AKR1C3: variants seen among roughly 807,000 people sequenced by gnomAD.
AKR1C3 encodes the protein 3-alpha hydroxysteroid dehydrogenase, type II.
Under a neutral mutation model 43.6 loss-of-function variants are expected in AKR1C3, and 48 were observed. The ratio of observed to expected loss-of-function variants is 1.10; its 90% confidence interval spans 0.87 to 1.40. The LOEUF (loss-of-function observed/expected upper bound fraction) is 1.40, where lower values mean the gene tolerates loss of function less well. AKR1C3 is among the 40% of genes most tolerant of loss of function. The pLI, the probability that AKR1C3 is intolerant of heterozygous loss-of-function variation, is 0.00. For synonymous variants in AKR1C3, 162 were observed against 139.6 expected (o/e 1.16, Z -1.13); for missense variants, 482 against 391.2 (o/e 1.23, Z -1.96).
At chr10:5,102,847 C>G (rs587750857) in intron 7 of AKR1C3, among the ~76,000 whole-genome samples, 197 bp downstream of exon 7, 6 of 152,090 alleles carry the variant, frequency 3.9e-5, no homozygotes, top group Non-Finnish European at 7.4e-5. Flanking sequence ...TAAGATGGGA[C>G]CAAAAATGGA....
intron 1 of AKR1C3, among the ~76,000 whole-genome samples, chr10:5,054,682 C>A (rs1280051991): frequency 6.6e-6 from 1 of 151,818 alleles, no homozygotes; most frequent in African/African-American, 2.4e-5. Flanking sequence ...TGTGTCTGTC[C>A]CTCTTTCTCT....
At chr10:5,053,885 G>A (rs1222906073) in intron 1 of AKR1C3, among the ~76,000 whole-genome samples, 3 of 152,212 alleles carry the variant, frequency 2.0e-5, no homozygotes, top group East Asian at 3.9e-4. Flanking sequence ...AAGACCATCT[G>A]TAGCTTGATG....
chr10:5,075,877 A>G, intron 1 of AKR1C3, among the ~76,000 whole-genome samples: 1 of 151,916 alleles, frequency 6.6e-6, no homozygotes, highest in East Asian at 1.9e-4. Flanking sequence ...TCCATCTCAA[A>G]AAAAAAAAAG....
intron 7 of AKR1C3, among the ~76,000 whole-genome samples, chr10:5,103,195 C>T (rs1839403430): frequency 6.6e-6 from 1 of 152,204 alleles, no homozygotes; most frequent in Admixed American, 6.5e-5. Flanking sequence ...GCCTCCTCTT[C>T]ATCTTCAGAA....
At chr10:5,061,908 C>T (rs1838391255) in intron 1 of AKR1C3, among the ~76,000 whole-genome samples, 1 of 152,116 alleles carries the variant, frequency 6.6e-6, no homozygotes, top group Admixed American at 6.5e-5. Context: ...CAAATTAAGG[C>T]CAAAATGGTG....
chr10:5,086,203 G>C (rs377704979), intron 1 of AKR1C3, among the ~76,000 whole-genome samples: 2 of 151,684 alleles, frequency 1.3e-5, no homozygotes, highest in Admixed American at 6.6e-5. Context: ...GCTTTGTCTT[G>C]TGGGCATTTA....
chr10:5,093,412 A>G (rs1215846620), upstream of AKR1C3: 1 of 152,104 alleles, frequency 6.6e-6, no homozygotes, highest in Non-Finnish European at 1.5e-5. Flanking sequence ...GGAAAAGTAA[A>G]TAGAACGAAA....
intron 1 of AKR1C3, among the ~76,000 whole-genome samples, chr10:5,053,504 G>A (rs1325869387): frequency 6.6e-6 from 1 of 152,258 alleles, no homozygotes; most frequent in Non-Finnish European, 1.5e-5. Context: ...CCTGCAAGCT[G>A]AGGGAGATGG....
At chr10:5,098,975 A>G in intron 4 of AKR1C3, 96 bp downstream of exon 4, 1 of 1,048,922 alleles carries the variant, frequency 9.5e-7, no homozygotes, top group Non-Finnish European at 1.4e-6. Context: ...GCACCATTAG[A>G]TCTAGAAATT....
intron 1 of AKR1C3, among the ~76,000 whole-genome samples, chr10:5,086,406 T>C (rs1236773876): frequency 6.6e-6 from 1 of 151,644 alleles, no homozygotes; most frequent in Non-Finnish European, 1.5e-5. Context: ...TTCTTAATCC[T>C]GAGTTCTAGT....
At chr10:5,097,413 T>TA in intron 2 of AKR1C3, 21 bp from the exon 3 acceptor site, 1 of 1,611,134 alleles carries the variant, frequency 6.2e-7, no homozygotes, top group Non-Finnish European at 8.5e-7. Context: ...CAAAATCACC[T>TA]CCATTCTTTA....
At chr10:5,069,840 C>A (rs1430682125) in intron 1 of AKR1C3, among the ~76,000 whole-genome samples, 1 of 151,968 alleles carries the variant, frequency 6.6e-6, no homozygotes, top group South Asian at 2.1e-4. Flanking sequence ...CACCATTGCA[C>A]TCCAGCCTGG....
intron 1 of AKR1C3, among the ~76,000 whole-genome samples, chr10:5,060,611 C>G (rs1838363297): frequency 6.6e-6 from 1 of 152,084 alleles, no homozygotes; most frequent in Admixed American, 6.6e-5. Context: ...GACTCAGGAG[C>G]CCAGCTGGCT....
chr10:5,097,412 C>T, intron 2 of AKR1C3, 22 bp from the exon 3 acceptor site: 1 of 1,610,622 alleles, frequency 6.2e-7, no homozygotes, highest in South Asian at 1.1e-5. Context: ...TCAAAATCAC[C>T]TCCATTCTTT....
chr10:5,096,415 G>A lies in AKR1C3; in HGVS notation c.90G>A (p.Pro30=), dbSNP rs7741. ...GFGTYAPPEV[P]RSKALEVTKL... The stretch of plus-strand genomic sequence containing the variant: ...ACCTTTGGTTGCTCCTCCAGGTTCC[G>A]AGAAGTAAAGCTTTGGAGGTCACAA... Residue 30 remains proline, a synonymous_variant, in exon 2 of 9, where the codon CCG becomes CCA. Transcript: ENST00000380554. The A allele has an allele frequency of 0.33, 539,746 of 1,612,162 alleles. 96,429 individuals are homozygous for A. The highest frequency in any genetic ancestry group is 0.37 in the Non-Finnish European group (433,355 of 1,178,866).
At chr10:5,085,495 T>A (rs1838943544) in intron 1 of AKR1C3, among the ~76,000 whole-genome samples, 1 of 151,910 alleles carries the variant, frequency 6.6e-6, no homozygotes, top group South Asian at 2.1e-4. Flanking sequence ...TTATTGAGGA[T>A]TTTTGCATCG....
At chr10:5,089,033 T>C (rs1243020328) in intron 1 of AKR1C3, among the ~76,000 whole-genome samples, 2 of 152,102 alleles carry the variant, frequency 1.3e-5, no homozygotes, top group African/African-American at 4.8e-5. Flanking sequence ...TGAAAGATGA[T>C]TTCTCCATTT....
chr10:5,105,557 G>A (rs782635949), intron 7 of AKR1C3, 38 bp from the exon 8 acceptor site: 7 of 1,494,224 alleles, frequency 4.7e-6, no homozygotes, highest in Middle Eastern at 1.7e-4. Context: ...TTCACAACTG[G>A]CAATCTAAAA....
chr10:5,088,367 G>GT lies in AKR1C3; in HGVS notation c.85-8033dup, dbSNP rs1250644567. On this transcript the variant is annotated intron_variant, in intron 1 of 8. Transcript: ENST00000439082. ...TCATATTCCAGCTTAAGTCCAGAGA[G>GT]TTTTTTTTTTGGCTGATTTTCTGTC... Among the ~76,000 whole-genome samples, 535 of 147,254 alleles carry GT rather than the reference G, an allele frequency of 3.6e-3. 3 individuals carry two copies. Among genetic ancestry groups the GT allele is most frequent in the East Asian group, 9.3e-3 (47 of 5,052 alleles).
Sources: gnomAD v4.1 joint callset for allele counts (sites outside exome capture counted in the v4.1 genomes callset) on GRCh38, gnomAD v4.1.1 for gene constraint, MANE v1.5 for transcripts, NCBI Gene and HGNC (gene_info 2026-07-23, HGNC 2026-07-21) for gene names.